Variants in DISC1 observed in about 807,000 individuals in gnomAD.
DISC1 encodes DISC1 scaffold protein.
Under a neutral mutation model 84.5 loss-of-function variants are expected in DISC1, and 57 were observed. The ratio of observed to expected loss-of-function variants is 0.67; its 90% CI spans 0.55 to 0.84. DISC1 has a LOEUF of 0.84. Ranked by LOEUF, DISC1 falls within the 40% of genes least tolerant of loss-of-function variation. DISC1 has a pLI of 0.00. For missense variants in DISC1, 1,000 were observed against 1,057.8 expected (o/e 0.95, Z 0.76); for synonymous variants, 411 against 415.2 (o/e 0.99, Z 0.12).
intron 9 of DISC1, among the ~76,000 whole-genome samples, chr1:231,891,436 T>C (rs2087207773): frequency 6.6e-6 from 1 of 152,170 alleles, no homozygotes; most frequent in Admixed American, 6.5e-5. Flanking sequence ...TCCTGTGTCA[T>C]GCCACGTGAG....
Position 232,031,533 on chromosome 1 carries a change from A to G in DISC1, c.2425+4981A>G, listed in dbSNP as rs542610537. Among the ~76,000 whole-genome samples the G allele has an allele frequency of 2.0e-5, 3 of 152,246 alleles. No homozygotes were observed. The highest frequency in any genetic ancestry group is 4.8e-5 in the African/African-American group (2 of 41,536). The stretch of plus-strand genomic sequence containing the variant: ...AAGGAAAGAAAGAAAAGGAAAGGAA[A>G]GAAAGAAAACCCAGAGCCTAAGATG... On this transcript the variant is annotated intron_variant, in intron 12 of 12. Coordinates refer to ENST00000439617, the MANE Select transcript of DISC1 (RefSeq NM_018662.3). This position sits in a 1 kb window ranked among gnomAD's most constrained non-coding sequence, Gnocchi z 4.6.
chr1:232,026,631 C>A, intron 12 of DISC1, 79 bp downstream of exon 12: 2 of 1,025,480 alleles, frequency 2.0e-6, no homozygotes, highest in Non-Finnish European at 3.0e-6. Context: ...TTTTTCATGC[C>A]TCAGAAGATG....
intron 6 of DISC1, among the ~76,000 whole-genome samples, chr1:231,791,347 T>G (rs984828011): frequency 6.6e-6 from 1 of 152,196 alleles, no homozygotes; most frequent in African/African-American, 2.4e-5. Context: ...TGGGTTACTG[T>G]TTAATCTCCC....
intron 3 of DISC1, among the ~76,000 whole-genome samples, chr1:231,737,725 AAG>A (rs1426591432): frequency 1.3e-5 from 2 of 152,246 alleles, no homozygotes; most frequent in African/African-American, 4.8e-5. Context: ...CTGCACTTAA[AAG>A]TCACAAGTAT....
intron 3 of DISC1, 197 bp downstream of exon 3, chr1:231,702,221 G>A: frequency 7.6e-7 from 1 of 1,316,536 alleles, no homozygotes; most frequent in Non-Finnish European, 9.6e-7. Flanking sequence ...TTAATCCTTT[G>A]GGTTATAAAT....
rs144609168 is a variant in DISC1 at position 231,921,925 on chromosome 1, T to G, written c.1982-36903T>G. On this transcript the variant is annotated intron_variant, in intron 9 of 12. Coordinates refer to ENST00000439617, the MANE Select transcript of DISC1 (RefSeq NM_018662.3). The stretch of plus-strand genomic sequence containing the variant: ...GAGTCACCATGCTCTGCAATAGATC[T>G]CCAGAATTTATTCATCTTGCATAAC... 3.2e-3 allele frequency among the ~76,000 whole-genome samples: 484 copies of G among 151,674 alleles called. 1 individual carries two copies. The highest frequency in any genetic ancestry group is 5.2e-3 in the Non-Finnish European group (355 of 67,922).
chr1:231,873,969 C>T (rs146833483), intron 9 of DISC1, among the ~76,000 whole-genome samples: 1 of 151,994 alleles, frequency 6.6e-6, no homozygotes, highest in Non-Finnish European at 1.5e-5. Flanking sequence ...CTGCCTCGGC[C>T]TCTGAGTAGC....
chr1:231,771,621 A>G (rs2076556054), intron 6 of DISC1: 1 of 984,038 alleles, frequency 1.0e-6, no homozygotes, highest in Non-Finnish European at 1.2e-6. Flanking sequence ...AGGTGAGGAA[A>G]AACGTTTAAG....
chr1:231,685,984 A>G (rs1483222269), intron 1 of DISC1, among the ~76,000 whole-genome samples: 1 of 152,176 alleles, frequency 6.6e-6, no homozygotes, highest in East Asian at 1.9e-4. Context: ...TCAAATTTTA[A>G]AACTCCAAAA....
chr1:231,850,125 A>G (rs2083785808), intron 9 of DISC1, among the ~76,000 whole-genome samples: 1 of 152,210 alleles, frequency 6.6e-6, no homozygotes, highest in Non-Finnish European at 1.5e-5. Context: ...CCACCTACGG[A>G]GAACTCTGGT....
At chr1:231,853,787 GGCCAAGATACA>G (rs1448293221) in intron 9 of DISC1, among the ~76,000 whole-genome samples, 1 of 152,152 alleles carries the variant, frequency 6.6e-6, no homozygotes, top group Non-Finnish European at 1.5e-5. Flanking sequence ...GTTGACCCAG[GGCCAAGATACA>G]GCAGCTGCCT....
intron 1 of DISC1, among the ~76,000 whole-genome samples, chr1:231,669,863 A>G (rs1035448301): frequency 6.6e-6 from 1 of 152,162 alleles, no homozygotes; most frequent in African/African-American, 2.4e-5. Flanking sequence ...CAACAATTCT[A>G]TTGTGGGGTA....
intron 1 of DISC1, among the ~76,000 whole-genome samples, chr1:231,628,557 C>G (rs1251534001): frequency 3.3e-5 from 5 of 152,194 alleles, no homozygotes; most frequent in Non-Finnish European, 5.9e-5. Context: ...GTCCTCATTT[C>G]CCTATGACAA....
intron 10 of DISC1, among the ~76,000 whole-genome samples, chr1:231,997,484 G>A (rs1376260844): frequency 1.3e-5 from 2 of 152,144 alleles, no homozygotes; most frequent in African/African-American, 2.4e-5. Context: ...ACAGCGTGGA[G>A]GGGGCTTTTC....
chr1:231,673,278 A>G (rs1165009467), intron 1 of DISC1, among the ~76,000 whole-genome samples: 1 of 152,010 alleles, frequency 6.6e-6, no homozygotes, highest in Non-Finnish European at 1.5e-5. Flanking sequence ...TGGGAAAATG[A>G]CTCACTCAGC....
chr1:231,885,425 A>G (rs1472285018), intron 9 of DISC1, among the ~76,000 whole-genome samples: 2 of 152,142 alleles, frequency 1.3e-5, no homozygotes, highest in Non-Finnish European at 2.9e-5. Flanking sequence ...AAGGAGTGTG[A>G]TAGGGGAGTG....
chr1:231,884,138 G>T (rs1204091384), intron 9 of DISC1, among the ~76,000 whole-genome samples: 5 of 152,162 alleles, frequency 3.3e-5, no homozygotes, highest in Non-Finnish European at 7.3e-5. Context: ...GGGTGATGGT[G>T]CAGTTCCCAG....
intron 1 of DISC1, among the ~76,000 whole-genome samples, chr1:231,691,034 C>T (rs1403563222): frequency 6.6e-6 from 1 of 152,122 alleles, no homozygotes; most frequent in Admixed American, 6.5e-5. Flanking sequence ...CCCAGGGCCC[C>T]GGTAGAAACA....
At position 231,958,715 on chromosome 1, in the gene DISC1, A is replaced by G; in HGVS notation, c.1982-113A>G. Reference sequence around the variant, plus strand: ...GAGTGTTTTCCAAACATAGAATGTTACGATTACTAGTGGCTTGACCTCAAT... The same window carrying G: ...GAGTGTTTTCCAAACATAGAATGTTGCGATTACTAGTGGCTTGACCTCAAT... On this transcript the variant is annotated intron_variant, in intron 9 of 12. Transcript: ENST00000439617. 5 of 1,055,052 alleles carry G rather than the reference A, an allele frequency of 4.7e-6. No individual in the cohort carries two copies. The South Asian group carries it at 7.0e-5, about 15-fold the overall frequency. The allele number at this position is 1,055,052 out of a possible 1,614,324, so 65.4% of individuals were successfully genotyped here. A position where few individuals can be genotyped will look rare whatever the true frequency, so the allele number is the denominator to read the frequency against.
Sources: gnomAD v4.1 joint callset for allele counts (sites outside exome capture counted in the v4.1 genomes callset) on GRCh38, gnomAD v4.1.1 for gene constraint, Gnocchi (gnomAD v3.1) non-coding constraint, MANE v1.5 for transcripts, NCBI Gene and HGNC (gene_info 2026-07-23, HGNC 2026-07-21) for gene names.